SORCS1: variants seen among roughly 807,000 people sequenced by gnomAD.
SORCS1 encodes the protein sortilin related VPS10 domain containing receptor 1, also known as VPS10 domain-containing receptor SorCS1.
SORCS1 carries 60 observed loss-of-function variants against 146.1 expected under a neutral mutation model. The ratio of observed to expected loss-of-function variants is 0.41; its 90% CI spans 0.33 to 0.51. SORCS1 has a LOEUF of 0.51. Among genes scored for constraint, SORCS1 ranks in the 20% least tolerant of loss-of-function variants. SORCS1 has a pLI of 0.21. For missense variants in SORCS1, 1,352 were observed against 1,487.6 expected (o/e 0.91, Z 1.50); for synonymous variants, 637 against 584.0 (o/e 1.09, Z -1.31).
intron 3 of SORCS1, among the ~76,000 whole-genome samples, chr10:106,789,587 C>T (rs982629469): frequency 6.6e-6 from 1 of 152,212 alleles, no homozygotes; most frequent in African/African-American, 2.4e-5. Flanking sequence ...AATTCCTCAT[C>T]TCTATCTGAA....
Position 107,066,814 on chromosome 10 carries a change from T to C in SORCS1, c.558+97155A>G, listed in dbSNP as rs185182371. ...CCATATAAATGGAAGGAAAGGAGAA[T>C]TGACACTGTTGACTTGTCATCTTGG... On this transcript the variant is annotated intron_variant, in intron 1 of 25. Transcript: ENST00000263054. Among the ~76,000 whole-genome samples, 5 of 152,300 alleles carry C rather than the reference T, an allele frequency of 3.3e-5. No homozygotes were observed. In the East Asian group the frequency reaches 7.7e-4, roughly 24 times the overall value.
intron 17 of SORCS1, among the ~76,000 whole-genome samples, chr10:106,665,456 C>A (rs1851061264): frequency 6.6e-6 from 1 of 151,104 alleles, no homozygotes; most frequent in Admixed American, 6.6e-5. Flanking sequence ...CTCCTGGACC[C>A]AAACGATCCT....
rs117749681 is a variant in SORCS1, at chr10:106,880,175, C to T, written c.627-50502G>A. On this transcript the variant is annotated intron_variant, in intron 2 of 25. Transcript: ENST00000263054. The stretch of plus-strand genomic sequence containing the variant: ...ATTGATCAGGCTTCAATAATAGTTC[C>T]AAATGAAGTCTTTAGGTATGAGAGT... Among the ~76,000 whole-genome samples, 1,141 of 152,206 alleles carry T rather than the reference C, an allele frequency of 7.5e-3. 38 individuals are homozygous for T. In the South Asian group the frequency reaches 0.096, roughly 13 times the overall value.
chr10:106,771,717 C>A (rs1397423867), intron 4 of SORCS1, among the ~76,000 whole-genome samples: 4 of 152,282 alleles, frequency 2.6e-5, no homozygotes, highest in Non-Finnish European at 5.9e-5. Flanking sequence ...CAAGTAGCCC[C>A]CTGTCCATTT....
At chr10:106,807,437 A>G (rs1328882258) in intron 3 of SORCS1, among the ~76,000 whole-genome samples, 3 of 152,164 alleles carry the variant, frequency 2.0e-5, no homozygotes, top group Admixed American at 2.0e-4. Context: ...TAAGAACCCC[A>G]AGTCCCTATT....
intron 2 of SORCS1, among the ~76,000 whole-genome samples, chr10:106,885,586 C>A (rs981255158): frequency 3.3e-5 from 5 of 152,110 alleles, no homozygotes; most frequent in African/African-American, 9.7e-5. Flanking sequence ...AAGGAACAGG[C>A]AGCCTCAGAA....
intron 2 of SORCS1, among the ~76,000 whole-genome samples, chr10:106,906,840 T>C (rs1271462030): frequency 6.6e-6 from 1 of 152,050 alleles, no homozygotes; most frequent in Non-Finnish European, 1.5e-5. Flanking sequence ...ATCAATAGAG[T>C]ATGGGATGTT....
intron 5 of SORCS1, among the ~76,000 whole-genome samples, chr10:106,745,622 A>G (rs1318180114): frequency 1.3e-5 from 2 of 152,102 alleles, no homozygotes; most frequent in African/African-American, 4.8e-5. Flanking sequence ...ATGTTCACAC[A>G]CTTTTTGATA....
At chr10:107,084,262 ATTT>A (rs11342875) in intron 1 of SORCS1, among the ~76,000 whole-genome samples, 4 of 133,362 alleles carry the variant, frequency 3.0e-5, no homozygotes, top group Non-Finnish European at 3.2e-5. Context: ...TACCCGGCTA[ATTT>A]TTTTTTTTTT....
chr10:106,679,476 CA>C, intron 11 of SORCS1, 144 bp from the exon 12 acceptor site: 2 of 939,086 alleles, frequency 2.1e-6, no homozygotes, highest in Non-Finnish European at 3.2e-6. Context: ...GCTTCAGGTC[CA>C]ATGGTTTAGG....
chr10:106,626,451 G>A (rs1039819011), intron 19 of SORCS1, among the ~76,000 whole-genome samples: 43 of 152,162 alleles, frequency 2.8e-4, no homozygotes, highest in African/African-American at 1.0e-3. Context: ...ACTCAGTCCA[G>A]TGCTTTTCTT....
intron 2 of SORCS1, 91 bp from the exon 3 acceptor site, chr10:106,829,764 T>G: frequency 1.2e-6 from 1 of 863,652 alleles, no homozygotes. Context: ...GTAGAATGGC[T>G]CTCAGGAGGT....
Position 106,709,279 on chromosome 10 carries a change from G to T in SORCS1, c.1087C>A (p.Pro363Thr). The T allele has an allele frequency of 6.2e-7, 1 of 1,613,834 alleles. No homozygotes were observed. Among genetic ancestry groups the T allele is most frequent in the South Asian group, 1.1e-5 (1 of 91,070 alleles). The change falls in exon 7 of 26, where the codon CCA becomes ACA. Residue 363 changes from proline to threonine, a missense_variant. By Grantham distance (38) the Pro-to-Thr change is conservative. Transcript: ENST00000263054. ...AAAGAGTCTGGGTCAATGTAGCCTG[G>T]AAAAGGCTGATTCCTGTTGGCCTCT... ...CTEANRNQPFPGYIDPDSLIV... is the reference protein window; with the variant it reads ...CTEANRNQPFTGYIDPDSLIV...
intron 3 of SORCS1, among the ~76,000 whole-genome samples, chr10:106,797,523 T>G (rs1946631883): frequency 6.6e-6 from 1 of 152,024 alleles, no homozygotes; most frequent in Admixed American, 6.5e-5. Flanking sequence ...GGAGTTGCTT[T>G]TTTTTTTAGC....
intron 1 of SORCS1, among the ~76,000 whole-genome samples, chr10:107,114,546 C>A (rs988182251): frequency 2.6e-5 from 4 of 152,010 alleles, no homozygotes; most frequent in Admixed American, 2.6e-4. Context: ...AAGCATCTGA[C>A]AAAATTCAAC....
At chr10:106,840,867 T>A (rs555968544) in intron 2 of SORCS1, among the ~76,000 whole-genome samples, 6,319 of 137,802 alleles carry the variant, frequency 0.046, 163 homozygotes, top group Middle Eastern at 0.11. Context: ...ATATATATTT[T>A]TTTTTTTTGG....
At chr10:107,160,636 T>C (rs563827263) in intron 1 of SORCS1, among the ~76,000 whole-genome samples, 1 of 152,324 alleles carries the variant, frequency 6.6e-6, no homozygotes, top group South Asian at 2.1e-4. Flanking sequence ...TAAAACCCTC[T>C]GTTAACAAAT....
rs190845318 is a variant in SORCS1, at chr10:106,810,979, C to T, written c.726+18595G>A. On this transcript the variant is annotated intron_variant, in intron 3 of 25. Transcript: ENST00000263054. ...TTTTTGAGATGGAGTCTCACTCTGT[C>T]GCCCAGGCTGGAGTGCAGCGGTGCA... is the stretch of plus-strand genomic sequence containing the variant. 3.9e-3 allele frequency among the ~76,000 whole-genome samples: 581 copies of T among 149,470 alleles called. 8 individuals are homozygous for T. Among genetic ancestry groups the T allele is most frequent in the African/African-American group, 0.014 (551 of 40,434 alleles).
chr10:106,731,378 A>G (rs549565898), intron 5 of SORCS1, among the ~76,000 whole-genome samples: 14 of 150,296 alleles, frequency 9.3e-5, no homozygotes, highest in Admixed American at 2.7e-4. Context: ...GACTGGGTCC[A>G]TCTCACTTTT....
Sources: gnomAD v4.1 joint callset for allele counts (sites outside exome capture counted in the v4.1 genomes callset) on GRCh38, gnomAD v4.1.1 for gene constraint, MANE v1.5 for transcripts, NCBI Gene and HGNC (gene_info 2026-07-23, HGNC 2026-07-21) for gene names.